The following OGT variants were observed in gnomAD, a reference collection of about 807,000 sequenced individuals.
The protein encoded by OGT is UDP-N-acetylglucosamine--peptide N-acetylglucosaminyltransferase 110 kDa subunit.
OGT carries 3 observed loss-of-function variants against 75.8 expected under a neutral mutation model. The ratio of observed to expected loss-of-function variants is 0.04; its 90% CI spans 0.02 to 0.10. The LOEUF is 0.10. OGT is among the 10% of genes least tolerant of loss of function. The pLI is 1.00. For missense variants in OGT, 260 were observed against 824.4 expected (o/e 0.32, Z 8.38); for synonymous variants, 257 against 289.7 (o/e 0.89, Z 1.15).
rs926143668 is a variant in OGT at position 71,571,930 on chromosome X, C to T, written c.2967-1690C>T. Among the ~76,000 whole-genome samples, 3 of 109,288 alleles carry T rather than the reference C, an allele frequency of 2.7e-5. No individual in the cohort carries two copies. In the East Asian group the frequency reaches 8.6e-4, roughly 31 times the overall value. 94.9% of individuals were successfully genotyped at this position (109,288 alleles called of 115,157 possible). ...GACTACAGGCACGTACCACCACACC[C>T]GGCTAATTTTTCATATTTTTAGTAG... On this transcript the variant is annotated intron_variant, in intron 21 of 21. Transcript: ENST00000373719.
chrX:71,538,096 T>A, intron 3 of OGT, 24 bp downstream of exon 3: 1 of 1,194,785 alleles, frequency 8.4e-7, no homozygotes, highest in Non-Finnish European at 1.1e-6. Flanking sequence ...TAATGGTTAC[T>A]TTCCCTTCCT....
chrX:71,533,591 G>C (rs1200336969), intron 1 of OGT, among the ~76,000 whole-genome samples: 3 of 111,234 alleles, frequency 2.7e-5, no homozygotes, highest in Admixed American at 9.5e-5. Flanking sequence ...AAATGTTCTA[G>C]CATTCCACTC....
At chrX:71,562,736 T>C in intron 15 of OGT, 111 bp from the exon 16 acceptor site, 1 of 680,395 alleles carries the variant, frequency 1.5e-6, no homozygotes. Flanking sequence ...TTTATTGAGG[T>C]ACAGTTGACA....
rs763612176 is a variant in OGT, at chrX:71,556,107, G to A, written c.1065+13G>A. ...TAAAGCATTAGAAGTATGTGAGGGTGGTGTAGCTGGGCATTTAGCATGATA... is the reference window on the plus strand; with the variant it reads ...TAAAGCATTAGAAGTATGTGAGGGTAGTGTAGCTGGGCATTTAGCATGATA... On this transcript the variant is annotated intron_variant, in intron 8 of 21. Transcript: ENST00000373719. The A allele has an allele frequency of 8.3e-7, 1 of 1,203,887 alleles. No homozygotes were observed. The highest frequency in any genetic ancestry group is 1.1e-6 in the Non-Finnish European group (1 of 890,552).
intron 5 of OGT, among the ~76,000 whole-genome samples, chrX:71,550,868 CAG>C (rs752588622): frequency 1.1e-3 from 119 of 105,974 alleles, no homozygotes; most frequent in African/African-American, 4.0e-3. Flanking sequence ...TTCATAGAAA[CAG>C]AGAGTAGAAG....
At chrX:71,554,445 G>A in intron 5 of OGT, 68 bp from the exon 6 acceptor site, 2 of 742,349 alleles carry the variant, frequency 2.7e-6, no homozygotes, top group Non-Finnish European at 4.2e-6. Context: ...TAAAAAAATT[G>A]TAATTGGGAA....
intron 5 of OGT, among the ~76,000 whole-genome samples, chrX:71,548,680 A>G (rs924789350): frequency 9.0e-6 from 1 of 111,544 alleles, no homozygotes; most frequent in African/African-American, 3.3e-5. Flanking sequence ...CAAATATTGC[A>G]TGTTCTCACA....
At chrX:71,570,473 C>T (rs901232727) in intron 21 of OGT, among the ~76,000 whole-genome samples, 10 of 111,882 alleles carry the variant, frequency 8.9e-5, no homozygotes, top group Non-Finnish European at 1.9e-4. Flanking sequence ...TGAACCCAAG[C>T]TCTCCTACTT....
intron 5 of OGT, among the ~76,000 whole-genome samples, chrX:71,552,581 G>C (rs766641717): frequency 9.1e-6 from 1 of 110,200 alleles, no homozygotes; most frequent in African/African-American, 3.3e-5. Flanking sequence ...GTGGAGACAG[G>C]GCTTTGCCAT....
intron 5 of OGT, among the ~76,000 whole-genome samples, chrX:71,552,945 G>T (rs1431088408): frequency 1.8e-5 from 2 of 111,509 alleles, no homozygotes; most frequent in Non-Finnish European, 3.8e-5. Context: ...TGGACGTAAT[G>T]TTCCTCTGCT....
intron 12 of OGT, among the ~76,000 whole-genome samples, chrX:71,558,705 G>A (rs965901942): frequency 1.8e-5 from 2 of 109,259 alleles, no homozygotes; most frequent in Non-Finnish European, 3.8e-5. Context: ...TCTAAAATGC[G>A]GGAGGAAACC....
At chrX:71,551,402 C>T (rs1190776750) in intron 5 of OGT, among the ~76,000 whole-genome samples, 4 of 112,378 alleles carry the variant, frequency 3.6e-5, no homozygotes. Flanking sequence ...GAGGCCATGG[C>T]AGGTGGATCA....
At chrX:71,568,239 G>A in intron 21 of OGT, 123 bp downstream of exon 21, 1 of 500,953 alleles carries the variant, frequency 2.0e-6, no homozygotes. Context: ...CCTCTGGATG[G>A]GAGAAGTACT....
Position 71,543,752 on chromosome X carries a change from GTGTGTGTGTGTGTGTA to G in OGT, c.463-813_463-798del, listed in dbSNP as rs1380678958. Among the ~76,000 whole-genome samples the G allele has an allele frequency of 1.9e-4, 12 of 64,086 alleles. No individual in the cohort carries two copies. In the East Asian group the frequency reaches 3.8e-3, roughly 20 times the overall value. 55.7% of individuals were successfully genotyped at this position (64,086 alleles called of 115,157 possible). A position where few individuals can be genotyped will look rare whatever the true frequency, so the allele number is the denominator to read the frequency against. On this transcript the variant is annotated intron_variant, in intron 3 of 21. Coordinates refer to ENST00000373719, the MANE Select transcript of OGT (RefSeq NM_181672.3). ...ATTTGAGATGTGTGTGTGTGTGTGT[GTGTGTGTGTGTGTGTA>G]TATATATATATATATATATATATAT...
intron 21 of OGT, among the ~76,000 whole-genome samples, chrX:71,572,966 C>G (rs1057094234): frequency 9.0e-6 from 1 of 111,422 alleles, no homozygotes; most frequent in African/African-American, 3.3e-5. Context: ...CAGAACCATA[C>G]TCTTGGTGAT....
chrX:71,555,916 T>C, intron 7 of OGT, 38 bp from the exon 8 acceptor site: 1 of 1,201,293 alleles, frequency 8.3e-7, no homozygotes, highest in Non-Finnish European at 1.1e-6. Flanking sequence ...GGCTTTATGA[T>C]TCTGTACAGT....
At position 71,561,802 on chromosome X, in the gene OGT, C is replaced by T. The variant is rs766646613; in HGVS notation, c.1879C>T (p.Arg627Cys). 6 of 1,199,666 alleles carry T rather than the reference C, an allele frequency of 5.0e-6. No individual in the cohort carries two copies. In the Admixed American group the frequency reaches 8.8e-5, roughly 18 times the overall value. Residue 627 changes from arginine (R) to cysteine (C), a missense_variant, in exon 15 of 22, where the codon CGC (arginine) becomes TGC (cysteine). Arg to Cys is a radical substitution (Grantham distance 180). This residue lies in a region of OGT where 99 missense variants were observed against 417.9 expected (regional missense o/e 0.24). Coordinates refer to ENST00000373719, the MANE Select transcript of OGT (RefSeq NM_181672.3). Reference sequence around the variant, plus strand: ...TCCATGCAATGGAAAAGCAGCTGATCGCATCCATCAGGATGGAATTCATAT... The same window carrying T: ...TCCATGCAATGGAAAAGCAGCTGATTGCATCCATCAGGATGGAATTCATAT... ...QIPCNGKAAD[R>C]IHQDGIHILV...
intron 21 of OGT, among the ~76,000 whole-genome samples, chrX:71,570,894 G>A (rs1432050977): frequency 1.8e-5 from 2 of 109,690 alleles, no homozygotes; most frequent in East Asian, 5.7e-4. Flanking sequence ...TCCTGGGATC[G>A]AGTGATCCTC....
In OGT at chrX:71,563,262, G is replaced by A. The variant is rs140275049; in HGVS notation, c.2265+16G>A. 694 of 1,196,980 alleles carry A rather than the reference G, an allele frequency of 5.8e-4. 4 individuals carry two copies. The African/African-American group carries it at 9.9e-3, about 17-fold the overall frequency. On this transcript the variant is annotated intron_variant, in intron 17 of 21. Coordinates refer to ENST00000373719, the MANE Select transcript of OGT (RefSeq NM_181672.3). ...AATTGTCAAGGTCAGAACCTAGTCA[G>A]TATTGTCATTGAAATAAAGTTAACT...
Sources: allele counts gnomAD v4.1 joint callset (sites outside exome capture counted in the v4.1 genomes callset), GRCh38; gene constraint gnomAD v4.1.1; regional missense constraint gnomAD v4.1.1; transcripts MANE v1.5; gene names NCBI Gene and HGNC (gene_info 2026-07-23, HGNC 2026-07-21).